PXDN: variants seen among roughly 807,000 people sequenced by gnomAD.
The protein encoded by PXDN is peroxidasin homolog.
In PXDN, 77 loss-of-function variants were observed where a neutral mutation model predicts 140.3. That is an observed-to-expected ratio of 0.55 (90% CI 0.46 to 0.66). The LOEUF (loss-of-function observed/expected upper bound fraction) is 0.66. Ranked by LOEUF, PXDN falls within the 30% of genes least tolerant of loss-of-function variation. PXDN has a pLI of 0.00. For missense variants in PXDN, 1,838 were observed against 2,039.5 expected (o/e 0.90, Z 1.90); for synonymous variants, 911 against 857.4 (o/e 1.06, Z -1.09).
At chr2:1,706,168 G>C (rs1257187945) in intron 1 of PXDN, among the ~76,000 whole-genome samples, 1 of 152,166 alleles carries the variant, frequency 6.6e-6, no homozygotes, top group Non-Finnish European at 1.5e-5. Flanking sequence ...CCTTCAGTGA[G>C]AGTTAGGAGC....
At chr2:1,713,929 G>C (rs1243098144) in intron 1 of PXDN, among the ~76,000 whole-genome samples, 4 of 152,232 alleles carry the variant, frequency 2.6e-5, no homozygotes, top group Admixed American at 2.6e-4. Flanking sequence ...GGAGCTCCCA[G>C]AGCCAGGAAG....
At chr2:1,717,459 C>T (rs746839141) in intron 1 of PXDN, among the ~76,000 whole-genome samples, 3 of 152,114 alleles carry the variant, frequency 2.0e-5, no homozygotes, top group African/African-American at 2.4e-5. Context: ...CACACACAAA[C>T]GGAAAAGACT....
At chr2:1,663,821 TCAGA>T in intron 11 of PXDN, 58 bp from the exon 12 acceptor site, 1 of 1,578,054 alleles carries the variant, frequency 6.3e-7, no homozygotes, top group African/African-American at 1.3e-5. Context: ...ACTCCTGCTC[TCAGA>T]CTGACAGCAT....
intron 19 of PXDN, among the ~76,000 whole-genome samples, chr2:1,640,097 G>A (rs1329638691): frequency 5.1e-5 from 7 of 136,354 alleles, no homozygotes; most frequent in African/African-American, 1.6e-4. Context: ...GGTGAGTGAG[G>A]GGCCCTCAGT....
intron 21 of PXDN, 21 bp downstream of exon 21, chr2:1,638,825 A>G (rs756502272): frequency 2.5e-6 from 4 of 1,613,856 alleles, no homozygotes; most frequent in Admixed American, 1.7e-5. Flanking sequence ...GTGGGGGGAC[A>G]CAGGCCGCCA....
chr2:1,742,106 A>C lies in PXDN; in HGVS notation c.200+2150T>G, dbSNP rs116014181. On this transcript the variant is annotated intron_variant, in intron 1 of 22. Coordinates refer to ENST00000252804, the MANE Select transcript of PXDN (RefSeq NM_012293.3). ...GCTAAAAATCACGCGGCTGCAATGC[A>C]TCCAGCCAGGACTCCATTCTGGCCA... Among the ~76,000 whole-genome samples the C allele has an allele frequency of 3.5e-3, 535 of 152,330 alleles. 3 individuals carry two copies. The highest frequency in any genetic ancestry group is 0.012 in the African/African-American group (499 of 41,580).
Position 1,653,780 on chromosome 2 carries a change from G to C in PXDN, c.1952C>G (p.Pro651Arg). 1.3e-6 allele frequency: 2 copies of C among 1,570,592 alleles called. No individual in the cohort carries two copies. The highest frequency in any genetic ancestry group is 4.7e-5 in the East Asian group (2 of 42,832). Residue 651 changes from proline (P) to arginine (R), a missense_variant, in exon 16 of 23, where the codon CCT (proline) becomes CGT (arginine). Physicochemically the swap from Pro to Arg is moderately radical, Grantham distance 103 (BLOSUM62 -2). Transcript: ENST00000252804. ...GGCCAGCAAATCATTTGGAGAACGA[G>C]GACGGCTAACCAGAGTTTAGGGGGA... Reference protein sequence around the residue: ...STRTHLFDSRPRSPNDLLALF... With the variant: ...STRTHLFDSRRRSPNDLLALF...
chr2:1,721,584 C>T (rs1472527484), intron 1 of PXDN, among the ~76,000 whole-genome samples: 1 of 152,168 alleles, frequency 6.6e-6, no homozygotes, highest in Non-Finnish European at 1.5e-5. Context: ...CGCCTGTAAT[C>T]CCAGCACTTT....
intron 19 of PXDN, among the ~76,000 whole-genome samples, chr2:1,641,092 C>T (rs1156491025): frequency 6.6e-6 from 1 of 152,272 alleles, no homozygotes; most frequent in Non-Finnish European, 1.5e-5. Flanking sequence ...TTGTTGTAGG[C>T]ATCAACGAAG....
intron 1 of PXDN, among the ~76,000 whole-genome samples, chr2:1,740,780 G>A (rs1343590851): frequency 2.0e-5 from 3 of 149,442 alleles, no homozygotes; most frequent in Non-Finnish European, 4.4e-5. Flanking sequence ...CCAACACCCA[G>A]CACACGGCGT....
chr2:1,731,714 T>C (rs1000784889), intron 1 of PXDN, among the ~76,000 whole-genome samples: 2 of 152,152 alleles, frequency 1.3e-5, no homozygotes, highest in Admixed American at 1.3e-4. Context: ...AACACGCAGC[T>C]ATCCCAAGGC....
At chr2:1,675,884 C>CA (rs1683693870) in intron 8 of PXDN, among the ~76,000 whole-genome samples, 1 of 151,082 alleles carries the variant, frequency 6.6e-6, no homozygotes, top group Non-Finnish European at 1.5e-5. Context: ...CATGACTAAA[C>CA]ATGGCCAGAG....
At position 1,634,289 on chromosome 2, in the gene PXDN, G is replaced by A. The variant is rs761143921; in HGVS notation, c.4355C>T (p.Pro1452Leu). ...GQVTCFVEAC[P>L]PATCAVPVNI... ...CACGGGGACAGCACAGGTGGCAGGGGGGCAAGCTTCCACGAAGCAGGTGAC... is the reference window on the plus strand; with the variant it reads ...CACGGGGACAGCACAGGTGGCAGGGAGGCAAGCTTCCACGAAGCAGGTGAC... Residue 1452 changes from proline (P) to leucine (L), a missense_variant, in exon 23 of 23, where the codon CCC becomes CTC. Physicochemically the swap from Pro to Leu is moderately conservative, Grantham distance 98. Around this residue, in one of 5 missense-constraint regions of PXDN, gnomAD observed 850 missense variants for 894.1 expected, o/e 0.95. Coordinates refer to ENST00000252804, the MANE Select transcript of PXDN (RefSeq NM_012293.3). 46 of 1,604,682 alleles carry A rather than the reference G, an allele frequency of 2.9e-5. No homozygotes were observed. Among genetic ancestry groups the A allele is most frequent in the Non-Finnish European group, 3.5e-5 (41 of 1,175,822 alleles).
chr2:1,656,279 C>T (rs1003268025), intron 14 of PXDN, among the ~76,000 whole-genome samples: 1 of 152,166 alleles, frequency 6.6e-6, no homozygotes, highest in Non-Finnish European at 1.5e-5. Flanking sequence ...GATACTTTAC[C>T]AAATACTATA....
intron 1 of PXDN, among the ~76,000 whole-genome samples, chr2:1,697,862 A>T (rs891679909): frequency 2.0e-5 from 3 of 152,238 alleles, no homozygotes; most frequent in Non-Finnish European, 4.4e-5. Flanking sequence ...CCCAACAAGC[A>T]AGGGGCTCTG....
At chr2:1,704,390 G>C (rs1414393292) in intron 1 of PXDN, among the ~76,000 whole-genome samples, 2 of 38,096 alleles carry the variant, frequency 5.2e-5, no homozygotes, top group Admixed American at 2.3e-4. Flanking sequence ...CCAGGTGAAG[G>C]GGGGGGCAAC....
At chr2:1,713,696 CA>C (rs1684834025) in intron 1 of PXDN, among the ~76,000 whole-genome samples, 1 of 152,196 alleles carries the variant, frequency 6.6e-6, no homozygotes, top group Non-Finnish European at 1.5e-5. Context: ...TCCTTGCAGC[CA>C]CTGCAGTGCC....
rs1684465854 is a variant in PXDN at position 1,702,763 on chromosome 2, G to A, written c.201-9629C>T. Among the ~76,000 whole-genome samples the A allele has an allele frequency of 4.6e-5, 7 of 151,466 alleles. No individual in the cohort carries two copies. The Middle Eastern group carries it at 0.017, about 368-fold the overall frequency. ...CCTGCCTCAGCCTCCCGAGTAGCTG[G>A]GACTACAGGCACCCGCCACTACGCC... is the stretch of plus-strand genomic sequence containing the variant. On this transcript the variant is annotated intron_variant, in intron 1 of 22. Transcript: ENST00000252804.
intron 1 of PXDN, among the ~76,000 whole-genome samples, chr2:1,701,913 G>A (rs1416564039): frequency 1.3e-5 from 2 of 152,114 alleles, no homozygotes; most frequent in African/African-American, 2.4e-5. Context: ...AACCCGGGTG[G>A]CCCTCAGCAG....
Sources: allele counts gnomAD v4.1 joint callset (sites outside exome capture counted in the v4.1 genomes callset), GRCh38; gene constraint gnomAD v4.1.1; regional missense constraint gnomAD v4.1.1; transcripts MANE v1.5; gene names NCBI Gene and HGNC (gene_info 2026-07-23, HGNC 2026-07-21).